The following CADPS2 variants were observed in gnomAD, a reference collection of about 807,000 sequenced individuals.
CADPS2 encodes the protein calcium-dependent secretion activator 2.
A neutral mutation model predicts 172.5 loss-of-function variants in CADPS2; 93 were observed. That is an observed-to-expected ratio of 0.54 (90% CI 0.46 to 0.64). The LOEUF (loss-of-function observed/expected upper bound fraction) is 0.64. CADPS2 is among the 30% of genes least tolerant of loss of function. The probability of loss-of-function intolerance (pLI) is 0.00; values close to 1 mark genes in which losing one functional copy is unlikely to be tolerated. For missense variants in CADPS2, 1,420 were observed against 1,565.9 expected (o/e 0.91, Z 1.57); for synonymous variants, 546 against 555.2 (o/e 0.98, Z 0.23).
At chr7:122,572,797 GC>G (rs1328534384) in intron 7 of CADPS2, among the ~76,000 whole-genome samples, 1 of 152,082 alleles carries the variant, frequency 6.6e-6, no homozygotes. Context: ...CTGTTTACCT[GC>G]TAGGACATAA....
chr7:122,745,107 C>T (rs1373875362), intron 1 of CADPS2, among the ~76,000 whole-genome samples: 1 of 151,952 alleles, frequency 6.6e-6, no homozygotes, highest in Non-Finnish European at 1.5e-5. Context: ...CATCATCTTA[C>T]AGTTACCTTT....
intron 3 of CADPS2, among the ~76,000 whole-genome samples, chr7:122,633,976 G>T (rs1054966271): frequency 5.3e-5 from 8 of 152,142 alleles, no homozygotes; most frequent in Non-Finnish European, 1.2e-4. Flanking sequence ...CTGTTTATGT[G>T]GTGAATTATC....
chr7:122,399,817 G>C (rs368734507), intron 20 of CADPS2, among the ~76,000 whole-genome samples: 3 of 150,496 alleles, frequency 2.0e-5, no homozygotes, highest in African/African-American at 7.3e-5. Context: ...CTCCCGAGTA[G>C]CTGGGACTAC....
At chr7:122,839,803 G>T (rs1448908420) in intron 1 of CADPS2, among the ~76,000 whole-genome samples, 1 of 152,192 alleles carries the variant, frequency 6.6e-6, no homozygotes, top group South Asian at 2.1e-4. Flanking sequence ...AGGATGTGGA[G>T]AAATAGGAAC....
chr7:122,880,829 C>T (rs1822736112), intron 1 of CADPS2, among the ~76,000 whole-genome samples: 1 of 152,134 alleles, frequency 6.6e-6, no homozygotes, highest in South Asian at 2.1e-4. Flanking sequence ...TTTTGGACAA[C>T]AATTCCATAA....
At chr7:122,855,707 A>C (rs1357488897) in intron 1 of CADPS2, among the ~76,000 whole-genome samples, 3 of 152,212 alleles carry the variant, frequency 2.0e-5, no homozygotes, top group East Asian at 1.9e-4. Flanking sequence ...GAATATGAAA[A>C]GAATGCAGAC....
At chr7:122,331,079 A>G (rs2034859648) in intron 28 of CADPS2, 1 of 152,168 alleles carries the variant, frequency 6.6e-6, no homozygotes, top group South Asian at 2.1e-4. Context: ...TTCTGTTTTT[A>G]TATGTTGCTT....
intron 17 of CADPS2, among the ~76,000 whole-genome samples, chr7:122,417,587 T>A (rs2048076174): frequency 6.6e-6 from 1 of 152,114 alleles, no homozygotes; most frequent in African/African-American, 2.4e-5. Context: ...CATTTCAACA[T>A]CCTCAAAGAA....
intron 8 of CADPS2, among the ~76,000 whole-genome samples, chr7:122,517,432 A>C (rs1349583101): frequency 1.3e-5 from 2 of 152,052 alleles, no homozygotes; most frequent in East Asian, 3.9e-4. Context: ...GTGGGATTGT[A>C]GGGTCGTATT....
At chr7:122,555,420 T>C (rs2132032725) in intron 7 of CADPS2, among the ~76,000 whole-genome samples, 1 of 152,202 alleles carries the variant, frequency 6.6e-6, no homozygotes, top group South Asian at 2.1e-4. Context: ...AAATCAGTTA[T>C]GACATATTTA....
At chr7:122,784,412 T>G (rs1249345122) in intron 1 of CADPS2, among the ~76,000 whole-genome samples, 1 of 152,234 alleles carries the variant, frequency 6.6e-6, no homozygotes, top group East Asian at 1.9e-4. Context: ...TGTGTTAAGA[T>G]TTACTGTGCT....
intron 6 of CADPS2, among the ~76,000 whole-genome samples, chr7:122,604,685 T>G (rs1366957493): frequency 6.6e-6 from 1 of 152,068 alleles, no homozygotes; most frequent in South Asian, 2.1e-4. Context: ...TCTGAAAAAT[T>G]TACCTTCTTC....
intron 2 of CADPS2, among the ~76,000 whole-genome samples, chr7:122,717,851 C>T (rs909925413): frequency 1.3e-4 from 20 of 152,050 alleles, no homozygotes; most frequent in African/African-American, 4.8e-4. Flanking sequence ...GCTCTGTCAC[C>T]TACGCTGGAG....
chr7:122,579,597 A>T (rs1385084843), intron 7 of CADPS2, among the ~76,000 whole-genome samples: 1 of 151,380 alleles, frequency 6.6e-6, no homozygotes, highest in Non-Finnish European at 1.5e-5. Context: ...GCTGCTGTTA[A>T]ACAGTGAGAT....
chr7:122,838,223 T>G (rs1809194450), intron 1 of CADPS2, among the ~76,000 whole-genome samples: 1 of 152,092 alleles, frequency 6.6e-6, no homozygotes. Flanking sequence ...TTGACAAAAT[T>G]CAACAGCCCT....
intron 1 of CADPS2, among the ~76,000 whole-genome samples, chr7:122,762,629 C>A (rs796368178): frequency 4.3e-4 from 65 of 152,274 alleles, no homozygotes; most frequent in African/African-American, 1.4e-3. Context: ...AAAAGTATTT[C>A]TCCCATGCAC....
chr7:122,843,984 T>C (rs1047171288), intron 1 of CADPS2, among the ~76,000 whole-genome samples: 1 of 152,180 alleles, frequency 6.6e-6, no homozygotes, highest in Non-Finnish European at 1.5e-5. Context: ...GAAACTGGGA[T>C]AACCAGCAGA....
At position 122,393,315 on chromosome 7, in the gene CADPS2, C is replaced by T; in HGVS notation, c.2889G>A (p.Lys963=). Reference sequence around the variant, plus strand: ...CATTGGGAAGACTGTTGGCGATATTCCTGTAAAGAAACAAACAACGTGGGA... The same window carrying T: ...CATTGGGAAGACTGTTGGCGATATTTCTGTAAAGAAACAAACAACGTGGGA... The part of the protein sequence containing the change: ...GFEQETWQPV[K]NIANSLPNVA... The change falls in exon 22 of 30, where the codon AAG becomes AAA. Residue 963 remains lysine, a splice_region_variant and synonymous_variant. Coordinates refer to ENST00000449022, the MANE Select transcript of CADPS2 (RefSeq NM_017954.11). 1.9e-6 allele frequency: 3 copies of T among 1,613,756 alleles called. No homozygotes were observed. Among genetic ancestry groups the T allele is most frequent in the Non-Finnish European group, 2.5e-6 (3 of 1,179,746 alleles).
At chr7:122,676,617 CATG>C (rs2082407094) in intron 2 of CADPS2, 1 of 1,300,618 alleles carries the variant, frequency 7.7e-7, no homozygotes, top group Non-Finnish European at 1.1e-6. Context: ...TCCTGCTTCC[CATG>C]ATGACTGATC....
Sources: allele counts gnomAD v4.1 joint callset (sites outside exome capture counted in the v4.1 genomes callset), GRCh38; gene constraint gnomAD v4.1.1; transcripts MANE v1.5; gene names NCBI Gene and HGNC (gene_info 2026-07-23, HGNC 2026-07-21).